Variants in ANKRD50 observed in about 807,000 individuals in gnomAD.
ANKRD50 encodes ankyrin repeat domain-containing protein 50.
In ANKRD50, 40 loss-of-function variants were observed where a neutral mutation model predicts 112.0. That is an observed-to-expected ratio of 0.36 (90% CI 0.28 to 0.46). The LOEUF is 0.46. ANKRD50 is among the 20% of genes least tolerant of loss of function. ANKRD50 has a pLI of 1.00. For synonymous variants in ANKRD50, 613 were observed against 619.1 expected, an observed-to-expected ratio of 0.99 and a Z score of 0.15; for missense variants, 1,487 against 1,701.7, an observed-to-expected ratio of 0.87 and a Z score of 2.22.
chr4:124,685,000 T>A (rs1411921777), intron 2 of ANKRD50, among the ~76,000 whole-genome samples: 1 of 152,210 alleles, frequency 6.6e-6, no homozygotes, highest in Non-Finnish European at 1.5e-5. Context: ...CAAGTTTTAC[T>A]CCTGAAAGAA....
chr4:124,679,975 A>G (rs1276448372), intron 2 of ANKRD50, among the ~76,000 whole-genome samples: 2 of 152,126 alleles, frequency 1.3e-5, no homozygotes, highest in Non-Finnish European at 2.9e-5. Context: ...ACTTCATGAG[A>G]CACAATTACA....
In ANKRD50 at chr4:124,670,432, T is replaced by C; in HGVS notation, c.2845A>G (p.Thr949Ala). 6.2e-7 allele frequency: 1 copy of C among 1,613,908 alleles called. No homozygotes were observed. The highest frequency in any genetic ancestry group is 8.5e-7 in the Non-Finnish European group (1 of 1,179,908). ...VNCKDADGRP[T>A]LYILALENQL... is the part of the protein sequence containing the mutation. ...TTTTCTAAGGCCAAGATATAAAGTGTAGGCCGACCATCAGCATCTTTGCAG... is the reference window on the plus strand; with the variant it reads ...TTTTCTAAGGCCAAGATATAAAGTGCAGGCCGACCATCAGCATCTTTGCAG... The change falls in exon 4 of 5, where the codon ACA (threonine) becomes GCA (alanine). Residue 949 changes from threonine (T) to alanine (A), a missense_variant. Physicochemically the swap from Thr to Ala is moderately conservative, Grantham distance 58. Coordinates refer to ENST00000504087, the MANE Select transcript of ANKRD50 (RefSeq NM_020337.3).
chr4:124,702,792 A>G (rs527265412), intron 2 of ANKRD50, among the ~76,000 whole-genome samples: 8 of 152,112 alleles, frequency 5.3e-5, no homozygotes, highest in African/African-American at 1.9e-4. Context: ...CACTTAACTT[A>G]GTGTTCTGCT....
intron 4 of ANKRD50, among the ~76,000 whole-genome samples, chr4:124,668,444 T>C (rs1233248353): frequency 6.6e-6 from 1 of 152,112 alleles, no homozygotes; most frequent in Non-Finnish European, 1.5e-5. Context: ...TACTATGTGC[T>C]ACAGACATTA....
At chr4:124,680,389 G>A (rs1724854489) in intron 2 of ANKRD50, among the ~76,000 whole-genome samples, 1 of 152,094 alleles carries the variant, frequency 6.6e-6, no homozygotes, top group Non-Finnish European at 1.5e-5. Flanking sequence ...AAGATAAAAA[G>A]AAATGACCAA....
Position 124,670,176 on chromosome 4 carries a change from T to C in ANKRD50, c.3101A>G (p.His1034Arg), listed in dbSNP as rs774453017. The C allele has an allele frequency of 5.0e-6, 8 of 1,612,722 alleles. 1 individual carries two copies. Among genetic ancestry groups the C allele is most frequent in the East Asian group, 4.5e-5 (2 of 44,836 alleles). Residue 1034 changes from histidine (H) to arginine (R), a missense_variant, in exon 4 of 5, where the codon CAT (histidine) becomes CGT (arginine). Physicochemically the swap from His to Arg is conservative, Grantham distance 29. Transcript: ENST00000504087. The part of the protein sequence containing the change: ...HVKVVQLLIE[H>R]GAVVDHTCNQ... ...ACATGTATGGTCAACTACAGCACCA[T>C]GCTCAATCAGAAGCTGAACCACTTT... is the stretch of plus-strand genomic sequence containing the variant.
At chr4:124,691,050 G>C (rs554693172) in intron 2 of ANKRD50, among the ~76,000 whole-genome samples, 1 of 152,272 alleles carries the variant, frequency 6.6e-6, no homozygotes, top group Admixed American at 6.5e-5. Context: ...AAATAGGACT[G>C]AGAGAGAAAG....
chr4:124,671,402 C>T lies in ANKRD50; in HGVS notation c.1875G>A (p.Glu625=). ...LRSAAWGGHT[E]VVSALLYAGV... The stretch of plus-strand genomic sequence containing the variant: ...CAGCATAAAGTAGTGCAGAAACTAC[C>T]TCAGTATGGCCACCCCAAGCAGCAG... Residue 625 remains glutamate (E), a synonymous_variant, in exon 4 of 5, where the codon GAG becomes GAA. Coordinates refer to ENST00000504087, the MANE Select transcript of ANKRD50 (RefSeq NM_020337.3). The T allele has an allele frequency of 6.2e-7, 1 of 1,613,872 alleles. No individual in the cohort carries two copies. The highest frequency in any genetic ancestry group is 8.5e-7 in the Non-Finnish European group (1 of 1,179,876).
chr4:124,683,756 CAAA>C (rs33990913), intron 2 of ANKRD50, among the ~76,000 whole-genome samples: 103 of 86,634 alleles, frequency 1.2e-3, no homozygotes, highest in African/African-American at 3.9e-3. Flanking sequence ...GACTCCGTCT[CAAA>C]AAAAAAAAAA....
chr4:124,673,899 A>T (rs1372919676), intron 3 of ANKRD50, among the ~76,000 whole-genome samples: 1 of 152,050 alleles, frequency 6.6e-6, no homozygotes, highest in East Asian at 1.9e-4. Flanking sequence ...AATTTTACAT[A>T]TATATGTATA....
Position 124,669,324 on chromosome 4 carries a change from G to T in ANKRD50, c.3953C>A (p.Pro1318Gln), listed in dbSNP as rs748326840. 2 of 1,613,560 alleles carry T rather than the reference G, an allele frequency of 1.2e-6. No homozygotes were observed. Among genetic ancestry groups the T allele is most frequent in the African/African-American group, 2.7e-5 (2 of 74,822 alleles). The change falls in exon 4 of 5, where the codon CCA becomes CAA. Residue 1318 changes from proline to glutamine, a missense_variant. By Grantham distance (76) the Pro-to-Gln change is moderately conservative (BLOSUM62 -1). This residue lies in a region of ANKRD50 where 441 missense variants were observed against 432.2 expected (regional missense o/e 1.02). Transcript: ENST00000504087. ...AGATTCTGCTGGCATTTGTTTAGGT[G>T]GTGCAGCAGTCCCGGATTTGGCTAT... ...GPIAKSGTAA[P>Q]PKQMPAESQC...
intron 2 of ANKRD50, among the ~76,000 whole-genome samples, chr4:124,696,482 C>T (rs896151540): frequency 1.4e-4 from 22 of 151,960 alleles, no homozygotes; most frequent in African/African-American, 4.1e-4. Flanking sequence ...AAGGCTTTTC[C>T]AAGCTTATGA....
chr4:124,699,314 G>C (rs1033763913), intron 2 of ANKRD50, among the ~76,000 whole-genome samples: 1 of 150,502 alleles, frequency 6.6e-6, no homozygotes, highest in South Asian at 2.1e-4. Flanking sequence ...TTACTTTCCC[G>C]TATCACTGAA....
At chr4:124,702,229 A>T (rs1578593166) in intron 2 of ANKRD50, among the ~76,000 whole-genome samples, 1 of 152,224 alleles carries the variant, frequency 6.6e-6, no homozygotes, top group Non-Finnish European at 1.5e-5. Flanking sequence ...TCACAGGCTC[A>T]GAGGAATGTC....
intron 2 of ANKRD50, among the ~76,000 whole-genome samples, chr4:124,702,467 A>G (rs991483791): frequency 6.6e-6 from 1 of 152,186 alleles, no homozygotes; most frequent in Non-Finnish European, 1.5e-5. Flanking sequence ...AAGTACTCTA[A>G]TGCACACAGG....
At chr4:124,679,633 G>A (rs900311032) in intron 2 of ANKRD50, among the ~76,000 whole-genome samples, 1 of 152,112 alleles carries the variant, frequency 6.6e-6, no homozygotes, top group Non-Finnish European at 1.5e-5. Flanking sequence ...AAGGTGCTGA[G>A]CAGATACAAC....
At chr4:124,704,459 G>A (rs1237536885) in intron 2 of ANKRD50, among the ~76,000 whole-genome samples, 3 of 152,248 alleles carry the variant, frequency 2.0e-5, no homozygotes, top group Non-Finnish European at 4.4e-5. Context: ...AAACTATCTG[G>A]ACTAATGCCA....
In ANKRD50 at chr4:124,669,232, G is replaced by C; in HGVS notation, c.4045C>G (p.His1349Asp). 6.2e-7 allele frequency: 1 copy of C among 1,613,660 alleles called. No individual in the cohort carries two copies. The part of the protein sequence containing the change: ...IGRSQQQFLI[H>D]QQSGEQKKRN... Reference sequence around the variant, plus strand: ...TTCTTCTGTTCCCCACTTTGTTGGTGAATAAGAAACTGCTGTTGAGATCGA... The same window carrying C: ...TTCTTCTGTTCCCCACTTTGTTGGTCAATAAGAAACTGCTGTTGAGATCGA... The change falls in exon 4 of 5, where the codon CAC becomes GAC. Residue 1349 changes from histidine to aspartate, a missense_variant. His to Asp is a moderately conservative substitution (Grantham distance 81). Coordinates refer to ENST00000504087, the MANE Select transcript of ANKRD50 (RefSeq NM_020337.3).
chr4:124,667,489 T>C lies in ANKRD50; in HGVS notation c.*29A>G, dbSNP rs1413351444. ...TAGCTGAAGAACCACTCCATCACAA[T>C]GTCTTCTGTTTCACAGAATAGGAAA... On this transcript the variant is annotated 3_prime_UTR_variant, in exon 5 of 5. Transcript: ENST00000504087. 6.6e-6 allele frequency: 1 copy of C among 152,014 alleles called. No homozygotes were observed. The highest frequency in any genetic ancestry group is 1.5e-5 in the Non-Finnish European group (1 of 67,942). The allele number at this position is 152,014 out of a possible 1,614,324, so 9.4% of individuals were successfully genotyped here. A position where few individuals can be genotyped will look rare whatever the true frequency, so the allele number is the denominator to read the frequency against.
Sources: allele counts gnomAD v4.1 joint callset (sites outside exome capture counted in the v4.1 genomes callset), GRCh38; gene constraint gnomAD v4.1.1; regional missense constraint gnomAD v4.1.1; transcripts MANE v1.5; gene names NCBI Gene and HGNC (gene_info 2026-07-23, HGNC 2026-07-21).